Variants in STK3 observed in about 807,000 individuals in gnomAD.
STK3 encodes serine/threonine-protein kinase 3.
STK3 carries 41 observed loss-of-function variants against 58.0 expected under a neutral mutation model. The observed-to-expected ratio is 0.71, with a 90% CI of 0.55 to 0.92. The LOEUF (loss-of-function observed/expected upper bound fraction) is 0.92, where lower values mean the gene tolerates loss of function less well. STK3 is among the 40% of genes least tolerant of loss of function. The pLI is 0.00. For synonymous variants in STK3, 170 were observed against 191.0 expected, an observed-to-expected ratio of 0.89 and a Z score of 0.91; for missense variants, 479 against 602.7, an observed-to-expected ratio of 0.79 and a Z score of 2.15.
rs1489304388 is a variant in STK3 at position 98,591,850 on chromosome 8, A to AT, written c.822+4181dup. Reference sequence around the variant, plus strand: ...GTAGTTTATACATTCCCCTGAGAAGATAAAGTATAATGTAGTTTGAATTTT... The same window carrying AT: ...GTAGTTTATACATTCCCCTGAGAAGATTAAAGTATAATGTAGTTTGAATTTT... On this transcript the variant is annotated intron_variant, in intron 7 of 10. Transcript: ENST00000419617. 1.3e-4 allele frequency among the ~76,000 whole-genome samples: 20 copies of AT among 152,242 alleles called. No homozygotes were observed. In the East Asian group the frequency reaches 3.5e-3, roughly 26 times the overall value.
intron 1 of STK3, among the ~76,000 whole-genome samples, chr8:98,447,782 G>T (rs999050184): frequency 6.8e-6 from 1 of 147,838 alleles, no homozygotes; most frequent in Non-Finnish European, 1.5e-5. Flanking sequence ...ATATATGTTT[G>T]CTATCATTGC....
chr8:98,521,731 C>T (rs1825380998), intron 10 of STK3, among the ~76,000 whole-genome samples: 1 of 152,112 alleles, frequency 6.6e-6, no homozygotes, highest in African/African-American at 2.4e-5. Context: ...TATTTCATTG[C>T]CACCCAACAC....
intron 8 of STK3, among the ~76,000 whole-genome samples, chr8:98,570,390 C>T (rs983059324): frequency 2.0e-5 from 3 of 151,928 alleles, no homozygotes; most frequent in African/African-American, 7.2e-5. Flanking sequence ...ATCAGCCTGT[C>T]TTGGCCTCCC....
intron 6 of STK3, among the ~76,000 whole-genome samples, chr8:98,601,249 C>T (rs1816325507): frequency 1.3e-5 from 2 of 151,856 alleles, no homozygotes; most frequent in African/African-American, 2.4e-5. Context: ...CATTTGATAC[C>T]ACCCCTTAAG....
At chr8:98,564,824 G>T (rs1163619910) in intron 8 of STK3, among the ~76,000 whole-genome samples, 1 of 151,882 alleles carries the variant, frequency 6.6e-6, no homozygotes, top group Non-Finnish European at 1.5e-5. Context: ...AACTTGATGG[G>T]TCCTAAAACA....
intron 4 of STK3, among the ~76,000 whole-genome samples, chr8:98,741,823 T>C (rs868621804): frequency 6.6e-6 from 1 of 152,090 alleles, no homozygotes; most frequent in Non-Finnish European, 1.5e-5. Flanking sequence ...TCATCAAAAT[T>C]GATAGACTGC....
chr8:98,517,085 T>C (rs926284486), intron 10 of STK3, among the ~76,000 whole-genome samples: 1 of 152,078 alleles, frequency 6.6e-6, no homozygotes, highest in African/African-American at 2.4e-5. Flanking sequence ...TTGAGAACCA[T>C]GTAAATGTGT....
chr8:98,579,738 T>C lies in STK3; in HGVS notation c.874A>G (p.Thr292Ala). 1.2e-6 allele frequency: 2 copies of C among 1,609,312 alleles called. No homozygotes were observed. The highest frequency in any genetic ancestry group is 1.7e-6 in the Non-Finnish European group (2 of 1,178,630). ...TTAGCTTTGATCTCCATAGCTTCTG[T>C]GATCAGGTCTCTTAATATTGATACA... ...KPVSILRDLI[T>A]EAMEIKAKRH... Residue 292 changes from threonine (T) to alanine (A), a missense_variant, in exon 8 of 11, where the codon ACA (threonine) becomes GCA (alanine). This residue lies in a region of STK3 where 309 missense variants were observed against 355.7 expected (regional missense o/e 0.87). Coordinates refer to ENST00000419617, the MANE Select transcript of STK3 (RefSeq NM_006281.4).
intron 6 of STK3, among the ~76,000 whole-genome samples, chr8:98,647,560 T>C (rs1227195109): frequency 7.2e-5 from 11 of 152,206 alleles, no homozygotes; most frequent in Non-Finnish European, 1.3e-4. Flanking sequence ...TTTGTTTGTT[T>C]TTTGAGACAG....
intron 9 of STK3, among the ~76,000 whole-genome samples, chr8:98,528,352 T>C (rs528734693): frequency 8.1e-4 from 123 of 152,296 alleles, no homozygotes; most frequent in Admixed American, 2.2e-3. Flanking sequence ...ATTTTTAATC[T>C]GGCTATATTG....
chr8:98,767,476 C>G (rs1224155375), intron 2 of STK3, 105 bp from the exon 3 acceptor site: 1 of 1,046,322 alleles, frequency 9.6e-7, no homozygotes, highest in Non-Finnish European at 1.3e-6. Context: ...GTTTAAAACA[C>G]TATTTAAATG....
chr8:98,832,532 A>C (rs1288709796), intron 3 of STK3, among the ~76,000 whole-genome samples: 1 of 152,172 alleles, frequency 6.6e-6, no homozygotes, highest in South Asian at 2.1e-4. Context: ...ACCACAAAAA[A>C]AGGAGTCCAG....
At chr8:98,526,700 T>C (rs758673148) in intron 10 of STK3, 42 bp downstream of exon 10, 9 of 1,448,650 alleles carry the variant, frequency 6.2e-6, no homozygotes, top group Non-Finnish European at 8.3e-6. Context: ...TGATAAAATA[T>C]AGAAGGAGAA....
intron 6 of STK3, among the ~76,000 whole-genome samples, chr8:98,627,298 G>C (rs1204925235): frequency 6.6e-6 from 1 of 152,038 alleles, no homozygotes; most frequent in Non-Finnish European, 1.5e-5. Flanking sequence ...TGTATCACTT[G>C]AGGTCAGGAG....
At chr8:98,424,540 C>A in intron 3 of STK3, among the ~76,000 whole-genome samples, 1 of 152,112 alleles carries the variant, frequency 6.6e-6, no homozygotes, top group East Asian at 1.9e-4. Flanking sequence ...CCAGGCAGAG[C>A]CTGGTCTGCA....
chr8:98,925,871 C>T (rs1564108850), intron 1 of STK3, among the ~76,000 whole-genome samples: 1 of 152,150 alleles, frequency 6.6e-6, no homozygotes, highest in Non-Finnish European at 1.5e-5. Context: ...TTAGGAAACC[C>T]TTGTTTGCCC....
chr8:98,868,326 A>G (rs1837223035), intron 3 of STK3, among the ~76,000 whole-genome samples: 1 of 152,220 alleles, frequency 6.6e-6, no homozygotes, highest in East Asian at 1.9e-4. Context: ...CCACAGCCGA[A>G]GGAGAAAGAT....
intron 6 of STK3, among the ~76,000 whole-genome samples, chr8:98,661,396 C>A (rs1037480767): frequency 8.6e-5 from 13 of 152,046 alleles, no homozygotes; most frequent in Non-Finnish European, 8.8e-5. Context: ...TCTTTTATAT[C>A]TCTGGGACCT....
chr8:98,399,324 G>A (rs1368256184), downstream of STK3, among the ~76,000 whole-genome samples: 2 of 152,248 alleles, frequency 1.3e-5, no homozygotes, highest in South Asian at 2.1e-4. Context: ...ATGTTTCTGG[G>A]TTACTGTGTG....
Sources: gnomAD v4.1 joint callset for allele counts (sites outside exome capture counted in the v4.1 genomes callset) on GRCh38, gnomAD v4.1.1 for gene constraint, gnomAD v4.1.1 regional missense constraint, MANE v1.5 for transcripts, NCBI Gene and HGNC (gene_info 2026-07-23, HGNC 2026-07-21) for gene names.